AKAP6: variants seen among roughly 807,000 people sequenced by gnomAD.
AKAP6 encodes the protein A-kinase anchoring protein 6, also known as A-kinase anchor protein 6.
A neutral mutation model predicts 188.5 loss-of-function variants in AKAP6; 58 were observed. The ratio of observed to expected loss-of-function variants is 0.31; its 90% CI spans 0.25 to 0.38. The LOEUF (loss-of-function observed/expected upper bound fraction) is 0.38, where lower values mean the gene tolerates loss of function less well. Among genes scored for constraint, AKAP6 ranks in the 10% least tolerant of loss-of-function variants. The pLI, the probability that AKAP6 is intolerant of heterozygous loss-of-function variation, is 1.00. For missense variants in AKAP6, 2,710 were observed against 2,740.0 expected, an observed-to-expected ratio of 0.99 and a Z score of 0.24; for synonymous variants, 989 against 998.6, an observed-to-expected ratio of 0.99 and a Z score of 0.18.
chr14:32,546,105 G>C lies in AKAP6; in HGVS notation c.1452G>C (p.Arg484Ser). Residue 484 changes from arginine to serine, a missense_variant, in exon 4 of 14, where the codon AGG becomes AGC. By Grantham distance (110) the Arg-to-Ser change is moderately radical (BLOSUM62 -1). Around this residue, in one of 2 missense-constraint regions of AKAP6, gnomAD observed 2,473 missense variants for 2,426.1 expected, o/e 1.02. Transcript: ENST00000280979. ...AAGAAATTTCTTCCAGCCTGGGAAG[G>C]CTTAACGACTGCTATAAAGAGAAAT... is the stretch of plus-strand genomic sequence containing the variant. The part of the protein sequence containing the change: ...HIKEISSSLG[R>S]LNDCYKEKSR... The C allele has an allele frequency of 6.2e-7, 1 of 1,614,156 alleles. No homozygotes were observed. The highest frequency in any genetic ancestry group is 1.1e-5 in the South Asian group (1 of 91,088).
intron 13 of AKAP6, among the ~76,000 whole-genome samples, chr14:32,828,052 C>T (rs2034719037): frequency 6.6e-6 from 1 of 152,070 alleles, no homozygotes. Flanking sequence ...AACTTTTTAG[C>T]TTTATTGCCT....
intron 3 of AKAP6, among the ~76,000 whole-genome samples, chr14:32,537,550 A>G (rs186497357): frequency 1.4e-4 from 21 of 152,288 alleles, no homozygotes; most frequent in Admixed American, 1.2e-3. Flanking sequence ...TCAAGTCTAT[A>G]TATTCTTTTC....
chr14:32,361,270 A>G (rs1325783273), intron 1 of AKAP6, among the ~76,000 whole-genome samples: 1 of 151,546 alleles, frequency 6.6e-6, no homozygotes, highest in Non-Finnish European at 1.5e-5. Flanking sequence ...TATCCCAAAT[A>G]GTAGTTTTCC....
rs955361250 is a variant in AKAP6 at position 32,832,850 on chromosome 14, C to T, written c.*3045C>T. ...ACTCATCATCTCCCAACCACTGTTT[C>T]CTCAACTGCCCTTCATATGTCATGG... On this transcript the variant is annotated 3_prime_UTR_variant, in exon 14 of 14. Transcript: ENST00000280979. 2.5e-4 allele frequency: 38 copies of T among 152,630 alleles called. No homozygotes were observed. Among genetic ancestry groups the T allele is most frequent in the African/African-American group, 9.2e-4 (38 of 41,444 alleles). 9.5% of individuals were successfully genotyped at this position (152,630 alleles called of 1,614,324 possible).
chr14:32,650,716 G>C (rs1888184272), intron 7 of AKAP6, among the ~76,000 whole-genome samples: 1 of 152,132 alleles, frequency 6.6e-6, no homozygotes, highest in African/African-American at 2.4e-5. Flanking sequence ...TGTTTTAACT[G>C]GACCAGGGTT....
chr14:32,475,373 T>C (rs1566526030), intron 2 of AKAP6, among the ~76,000 whole-genome samples: 1 of 152,202 alleles, frequency 6.6e-6, no homozygotes, highest in Non-Finnish European at 1.5e-5. Context: ...ACCTTCACAT[T>C]GGCTACAGCT....
At chr14:32,469,941 T>A (rs939660853) in intron 2 of AKAP6, among the ~76,000 whole-genome samples, 3 of 152,324 alleles carry the variant, frequency 2.0e-5, no homozygotes, top group Admixed American at 2.0e-4. Context: ...AAATAGGCTG[T>A]AGATGTTGGG....
At chr14:32,531,572 C>T (rs945249129) in intron 2 of AKAP6, among the ~76,000 whole-genome samples, 8 of 149,234 alleles carry the variant, frequency 5.4e-5, no homozygotes, top group Non-Finnish European at 1.0e-4. Flanking sequence ...ATTTGCATAA[C>T]ACCTCCACAA....
chr14:32,453,666 C>A (rs1376059945), intron 2 of AKAP6, among the ~76,000 whole-genome samples: 1 of 142,008 alleles, frequency 7.0e-6, no homozygotes, highest in Admixed American at 7.7e-5. Flanking sequence ...GCGCGATCTC[C>A]GCTCACTGCA....
intron 12 of AKAP6, among the ~76,000 whole-genome samples, chr14:32,788,791 G>T (rs149205307): frequency 6.6e-6 from 1 of 152,282 alleles, no homozygotes; most frequent in African/African-American, 2.4e-5. Flanking sequence ...TCTGGCCCTG[G>T]CATCCCTGGC....
intron 7 of AKAP6, among the ~76,000 whole-genome samples, chr14:32,648,167 T>G (rs1011892888): frequency 3.9e-5 from 6 of 152,090 alleles, no homozygotes; most frequent in Non-Finnish European, 8.8e-5. Flanking sequence ...AGTCCCACAC[T>G]TAGCTGGAGG....
At position 32,684,743 on chromosome 14, in the gene AKAP6, GT is replaced by G. The variant is rs4007534; in HGVS notation, c.2879+6295del. ...GAATCATTATCCTAGTGTACTTCAT[GT>G]TTTTTTTTTTGAGAAAGGAAATGCA... On this transcript the variant is annotated intron_variant, in intron 8 of 13. Transcript: ENST00000280979. 8.0e-3 allele frequency among the ~76,000 whole-genome samples: 1,186 copies of G among 148,898 alleles called. 22 individuals carry two copies. The highest frequency in any genetic ancestry group is 0.027 in the African/African-American group (1,121 of 40,912).
rs778503754 is a variant in AKAP6 at position 32,822,673 on chromosome 14, G to C, written c.4860G>C (p.Val1620=). The change falls in exon 13 of 14, where the codon GTG becomes GTC. Residue 1620 remains valine, a synonymous_variant. Transcript: ENST00000280979. ...FSCHSSGDIS[V]SSGSVGELSK... is the part of the protein sequence containing the mutation. The stretch of plus-strand genomic sequence containing the variant: ...GTCACAGCTCTGGGGATATAAGCGT[G>C]AGCAGTGGCTCAGTTGGTGAACTAA... 6.2e-7 allele frequency: 1 copy of C among 1,614,022 alleles called. No homozygotes were observed. Among genetic ancestry groups the C allele is most frequent in the South Asian group, 1.1e-5 (1 of 91,076 alleles).
In AKAP6 at chr14:32,448,009, G is replaced by A. The variant is rs893648406; in HGVS notation, c.324+14192G>A. ...TGGACATTTTGATTAATGATGCCCC[G>A]GACCAAAGGTCCTTTTTCAGGGAAG... On this transcript the variant is annotated intron_variant, in intron 2 of 13. Coordinates refer to ENST00000280979, the MANE Select transcript of AKAP6 (RefSeq NM_004274.5). Among the ~76,000 whole-genome samples, 4 of 152,276 alleles carry A rather than the reference G, an allele frequency of 2.6e-5. No homozygotes were observed. In the East Asian group the frequency reaches 5.8e-4, roughly 22 times the overall value.
intron 7 of AKAP6, among the ~76,000 whole-genome samples, chr14:32,636,921 G>A (rs986263722): frequency 1.3e-5 from 2 of 152,038 alleles, no homozygotes; most frequent in Non-Finnish European, 2.9e-5. Context: ...TAACAGCAGT[G>A]CAGAGGATGG....
At chr14:32,736,916 G>A (rs971330033) in intron 11 of AKAP6, among the ~76,000 whole-genome samples, 1 of 152,054 alleles carries the variant, frequency 6.6e-6, no homozygotes, top group African/African-American at 2.4e-5. Flanking sequence ...TAAACTATCT[G>A]CATTGCACAC....
chr14:32,446,193 A>T (rs558015114), intron 2 of AKAP6, among the ~76,000 whole-genome samples: 298 of 152,362 alleles, frequency 2.0e-3, no homozygotes, highest in Non-Finnish European at 3.2e-3. Flanking sequence ...TAGGATTTGT[A>T]TAAGTGGGTA....
chr14:32,543,162 A>C (rs1016909786), intron 3 of AKAP6, among the ~76,000 whole-genome samples: 1 of 152,180 alleles, frequency 6.6e-6, no homozygotes, highest in African/African-American at 2.4e-5. Context: ...ATCTAGCTGT[A>C]ATTTTGTATC....
chr14:32,789,906 G>C (rs543351430), intron 12 of AKAP6, among the ~76,000 whole-genome samples: 1 of 152,142 alleles, frequency 6.6e-6, no homozygotes, highest in African/African-American at 2.4e-5. Context: ...TCAGGAGGTG[G>C]GTAATAATGA....
Sources: allele counts gnomAD v4.1 joint callset (sites outside exome capture counted in the v4.1 genomes callset), GRCh38; gene constraint gnomAD v4.1.1; regional missense constraint gnomAD v4.1.1; transcripts MANE v1.5; gene names NCBI Gene and HGNC (gene_info 2026-07-23, HGNC 2026-07-21).